Variants in SCAI observed in about 807,000 individuals in gnomAD.
SCAI encodes suppressor of cancer cell invasion.
SCAI carries 24 observed loss-of-function variants against 92.2 expected under a neutral mutation model. The ratio of observed to expected loss-of-function variants is 0.26; its 90% confidence interval spans 0.19 to 0.37. The LOEUF (loss-of-function observed/expected upper bound fraction) is 0.37. Among genes scored for constraint, SCAI ranks in the 10% least tolerant of loss-of-function variants. SCAI has a pLI of 1.00. For missense variants in SCAI, 450 were observed against 736.2 expected (o/e 0.61, Z 4.50); for synonymous variants, 261 against 258.6 (o/e 1.01, Z -0.09).
intron 3 of SCAI, among the ~76,000 whole-genome samples, chr9:125,033,112 T>C (rs1227146028): frequency 3.3e-5 from 5 of 151,976 alleles, no homozygotes; most frequent in Non-Finnish European, 5.9e-5. Flanking sequence ...AAGGGACACA[T>C]TGGCTACTCA....
At position 125,142,680 on chromosome 9, in the gene SCAI, G is replaced by A. The variant is rs759863770; in HGVS notation, c.54-3C>T. On this transcript the variant is annotated splice_region_variant and splice_polypyrimidine_tract_variant and intron_variant, in intron 1 of 17. Transcript: ENST00000336505. ...GTTTCTCCACTGTGCCAGTCAGTCT[G>A]CAGACCAAACAAATAAGACGGTAAC... 3 of 1,613,010 alleles carry A rather than the reference G, an allele frequency of 1.9e-6. No individual in the cohort carries two copies. The South Asian group carries it at 3.3e-5, about 18-fold the overall frequency.
In SCAI at chr9:124,951,769, T is replaced by C. The variant is rs1044078532; in HGVS notation, c.*1038A>G. On this transcript the variant is annotated 3_prime_UTR_variant, in exon 18 of 18. Transcript: ENST00000336505. ...AAAGAAAAATCTTTATAATATACAC[T>C]GAGTCCTATTTAAGATAATAAAAAT... is the stretch of plus-strand genomic sequence containing the variant. 6.6e-6 allele frequency: 1 copy of C among 152,204 alleles called. No individual in the cohort carries two copies. The highest frequency in any genetic ancestry group is 2.4e-5 in the African/African-American group (1 of 41,454). The allele number at this position is 152,204 out of a possible 1,614,324, so 9.4% of individuals were successfully genotyped here.
intron 17 of SCAI, among the ~76,000 whole-genome samples, chr9:124,955,693 C>T (rs756731314): frequency 2.0e-4 from 30 of 148,584 alleles, no homozygotes; most frequent in African/African-American, 4.2e-4. Context: ...GTGAAAAAAA[C>T]GAAAGTTAAT....
intron 2 of SCAI, among the ~76,000 whole-genome samples, chr9:125,081,748 A>T (rs930159595): frequency 2.6e-5 from 4 of 151,730 alleles, no homozygotes; most frequent in Non-Finnish European, 4.4e-5. Flanking sequence ...AATTTTTTAT[A>T]TTTTTTATTA....
chr9:125,003,919 T>C (rs1009508107), intron 9 of SCAI, among the ~76,000 whole-genome samples: 3 of 152,166 alleles, frequency 2.0e-5, no homozygotes, highest in Non-Finnish European at 2.9e-5. Context: ...CTCACGCCTA[T>C]AATCCCAGCA....
At chr9:124,971,648 G>A (rs761172576) in intron 16 of SCAI, 23 bp downstream of exon 16, 3 of 1,556,250 alleles carry the variant, frequency 1.9e-6, no homozygotes, top group Admixed American at 2.0e-5. Context: ...TCTGTTAAAC[G>A]TGCAGTTAGA....
At chr9:125,071,510 T>C (rs1833979345) in intron 2 of SCAI, among the ~76,000 whole-genome samples, 1 of 152,086 alleles carries the variant, frequency 6.6e-6, no homozygotes, top group Non-Finnish European at 1.5e-5. Flanking sequence ...GACAGAGAGT[T>C]TAAGAAAAGG....
rs980009005 is a variant in SCAI at position 124,991,597 on chromosome 9, G to A, written c.1326+3337C>T. Reference sequence around the variant, plus strand: ...CTCATGCCTGTAATCCCAGCACTTCGGGAGGCTGAGGTGGGCGGATCACGA... The same window carrying A: ...CTCATGCCTGTAATCCCAGCACTTCAGGAGGCTGAGGTGGGCGGATCACGA... On this transcript the variant is annotated intron_variant, in intron 14 of 17. Coordinates refer to ENST00000336505, the MANE Select transcript of SCAI (RefSeq NM_001144877.3). Among the ~76,000 whole-genome samples the A allele has an allele frequency of 7.2e-5, 11 of 151,996 alleles. No individual in the cohort carries two copies. The South Asian group carries it at 2.3e-3, about 32-fold the overall frequency.
intron 9 of SCAI, among the ~76,000 whole-genome samples, chr9:125,006,103 G>C (rs1450383518): frequency 6.6e-6 from 1 of 152,172 alleles, no homozygotes; most frequent in Non-Finnish European, 1.5e-5. Context: ...AGGTCTTACA[G>C]AATTCTAGCT....
chr9:125,026,965 G>T, intron 5 of SCAI, 55 bp from the exon 6 acceptor site: 3 of 1,011,454 alleles, frequency 3.0e-6, no homozygotes, highest in Non-Finnish European at 4.5e-6. Context: ...CTTCACCATG[G>T]TAAATACTTG....
intron 2 of SCAI, among the ~76,000 whole-genome samples, chr9:125,120,559 G>A (rs1835136844): frequency 2.0e-5 from 3 of 152,150 alleles, no homozygotes; most frequent in Admixed American, 6.6e-5. Flanking sequence ...CAGACATGGT[G>A]GCAGGCGCCT....
intron 6 of SCAI, among the ~76,000 whole-genome samples, chr9:125,026,423 A>G (rs1422827734): frequency 6.6e-6 from 1 of 152,000 alleles, no homozygotes; most frequent in Non-Finnish European, 1.5e-5. Context: ...CAGCATTAAC[A>G]GACTATTCCC....
rs940100603 is a variant in SCAI at position 124,984,857 on chromosome 9, G to A, written c.1327-8671C>T. Among the ~76,000 whole-genome samples the A allele has an allele frequency of 2.0e-5, 3 of 152,238 alleles. No individual in the cohort carries two copies. In the South Asian group the frequency reaches 6.2e-4, roughly 32 times the overall value. On this transcript the variant is annotated intron_variant, in intron 14 of 17. Coordinates refer to ENST00000336505, the MANE Select transcript of SCAI (RefSeq NM_001144877.3). The stretch of plus-strand genomic sequence containing the variant: ...AAGAACATCAGGAAGTCAGCTGTAG[G>A]TGGAAAAGAACAAGGACTGAACTCA...
chr9:125,017,127 T>C (rs1832776283), intron 9 of SCAI, among the ~76,000 whole-genome samples: 1 of 152,134 alleles, frequency 6.6e-6, no homozygotes. Flanking sequence ...TGCTTGGTCA[T>C]AGAGTGTGCA....
intron 9 of SCAI, among the ~76,000 whole-genome samples, chr9:125,011,806 A>G (rs1262381022): frequency 6.6e-6 from 1 of 152,232 alleles, no homozygotes; most frequent in Non-Finnish European, 1.5e-5. Flanking sequence ...CCACAAAGGG[A>G]AGCCCATCAG....
intron 2 of SCAI, among the ~76,000 whole-genome samples, chr9:125,140,385 G>A (rs749379563): frequency 1.3e-5 from 2 of 151,646 alleles, no homozygotes; most frequent in East Asian, 1.9e-4. Flanking sequence ...AAAATTAGCC[G>A]GGCATGGTGG....
In SCAI at chr9:125,130,181, G is replaced by A. The variant is rs368754869; in HGVS notation, c.98+12452C>T. 1.7e-4 allele frequency among the ~76,000 whole-genome samples: 26 copies of A among 152,274 alleles called. No individual in the cohort carries two copies. In the East Asian group the frequency reaches 4.4e-3, roughly 26 times the overall value. ...TCCAAAGTGCTGGGATTACAGGCAT[G>A]AGCCACCACGTCCAGCCAAAGCATT... On this transcript the variant is annotated intron_variant, in intron 2 of 17. Coordinates refer to ENST00000336505, the MANE Select transcript of SCAI (RefSeq NM_001144877.3).
At chr9:125,017,867 T>G (rs905047014) in intron 9 of SCAI, among the ~76,000 whole-genome samples, 5 of 151,112 alleles carry the variant, frequency 3.3e-5, no homozygotes, top group Admixed American at 3.3e-4. Context: ...ATTAGCCGGG[T>G]GTGGTGGTAT....
At chr9:125,135,590 T>A (rs538934483) in intron 2 of SCAI, among the ~76,000 whole-genome samples, 6 of 146,180 alleles carry the variant, frequency 4.1e-5, no homozygotes, top group Non-Finnish European at 7.6e-5. Context: ...GAGGCAGAGG[T>A]TGCTGTGAAC....
Sources: allele counts gnomAD v4.1 joint callset (sites outside exome capture counted in the v4.1 genomes callset), GRCh38; gene constraint gnomAD v4.1.1; transcripts MANE v1.5; gene names NCBI Gene and HGNC (gene_info 2026-07-23, HGNC 2026-07-21).